The following DRC3 variants were observed in gnomAD, a reference collection of about 807,000 sequenced individuals.
DRC3 encodes leucine rich repeat containing 48.
In DRC3, 45 loss-of-function variants were observed where a neutral mutation model predicts 57.6. The observed-to-expected ratio is 0.78, with a 90% CI of 0.62 to 1.00. The LOEUF (loss-of-function observed/expected upper bound fraction) is 1.00, where lower values mean the gene tolerates loss of function less well. Ranked by LOEUF, DRC3 falls within the 50% of genes least tolerant of loss-of-function variation. The pLI is 0.00. For synonymous variants in DRC3, 257 were observed against 272.3 expected, an observed-to-expected ratio of 0.94 and a Z score of 0.55; for missense variants, 655 against 675.2, an observed-to-expected ratio of 0.97 and a Z score of 0.33.
At chr17:18,001,974 C>G (rs1214019330) in intron 9 of DRC3, among the ~76,000 whole-genome samples, 1 of 117,182 alleles carries the variant, frequency 8.5e-6, no homozygotes, top group African/African-American at 3.5e-5. Context: ...TTGAGACCAG[C>G]CTTGCCAACA....
intron 1 of DRC3, 193 bp downstream of exon 1, chr17:17,973,167 A>C (rs541813529): frequency 6.6e-6 from 1 of 150,882 alleles, no homozygotes; most frequent in South Asian, 2.1e-4. Flanking sequence ...TGGGCTTGTC[A>C]AGCTTTTGAA....
intron 3 of DRC3, among the ~76,000 whole-genome samples, chr17:17,978,275 G>T (rs1207822520): frequency 6.6e-6 from 1 of 152,136 alleles, no homozygotes; most frequent in East Asian, 1.9e-4. Context: ...TGTGGCTCAG[G>T]ACCAGGCGGA....
intron 12 of DRC3, chr17:18,007,520 T>G: frequency 6.5e-7 from 1 of 1,545,814 alleles, no homozygotes; most frequent in Non-Finnish European, 8.7e-7. Flanking sequence ...GTCTGTATAA[T>G]GAGTACTGTG....
chr17:17,994,193 C>A (rs1263257392), intron 6 of DRC3, 106 bp from the exon 7 acceptor site: 3 of 1,451,776 alleles, frequency 2.1e-6, no homozygotes, highest in Non-Finnish European at 2.8e-6. Context: ...CTGTGCAACA[C>A]CCCTGCCCAT....
chr17:18,016,168 C>G lies in DRC3; in HGVS notation c.1431C>G (p.Asn477Lys), dbSNP rs569837531. The part of the protein sequence containing the change: ...NREDELVTRI[N>K]SWCTRLIDRI... ...AAGATGAGCTGGTGACCAGAATCAA[C>G]TCTTGGTGTACACGTTTAATAGACA... The change falls in exon 13 of 14, where the codon AAC becomes AAG. Residue 477 changes from asparagine to lysine, a missense_variant. By Grantham distance (94) the Asn-to-Lys change is moderately conservative. Coordinates refer to ENST00000399187, the MANE Select transcript of DRC3 (RefSeq NM_031294.4). The G allele has an allele frequency of 1.9e-5, 30 of 1,614,000 alleles. No individual in the cohort carries two copies. The African/African-American group carries it at 2.5e-4, about 14-fold the overall frequency.
At chr17:18,006,977 G>T (rs751546911) in intron 11 of DRC3, 47 bp from the exon 12 acceptor site, 4 of 1,608,360 alleles carry the variant, frequency 2.5e-6, no homozygotes, top group South Asian at 2.2e-5. Flanking sequence ...CATCAGGGAC[G>T]CGCCGGGCCT....
At chr17:17,984,963 CAT>C (rs1235187945) in intron 4 of DRC3, among the ~76,000 whole-genome samples, 1 of 152,208 alleles carries the variant, frequency 6.6e-6, no homozygotes. Context: ...TTGATGGAGT[CAT>C]GTGCTACAGG....
chr17:18,003,218 C>A (rs1343512178), intron 9 of DRC3, among the ~76,000 whole-genome samples: 1 of 152,016 alleles, frequency 6.6e-6, no homozygotes, highest in Non-Finnish European at 1.5e-5. Flanking sequence ...GGCACAGTGG[C>A]TCACACCTGT....
intron 8 of DRC3, chr17:17,995,667 G>A (rs533446368): frequency 6.4e-5 from 10 of 155,672 alleles, no homozygotes; most frequent in Admixed American, 5.7e-4. Flanking sequence ...TGTGACCATC[G>A]ATCAATGGGC....
intron 2 of DRC3, among the ~76,000 whole-genome samples, chr17:17,976,460 A>T (rs1024486212): frequency 3.3e-5 from 5 of 152,154 alleles, no homozygotes; most frequent in African/African-American, 7.2e-5. Flanking sequence ...CAGGTGGATC[A>T]CCTGAGGTCA....
At chr17:17,977,117 G>A (rs150664961) in intron 2 of DRC3, among the ~76,000 whole-genome samples, 17 of 152,288 alleles carry the variant, frequency 1.1e-4, no homozygotes, top group Admixed American at 3.3e-4. Context: ...CACACATGAC[G>A]GCCTGGAGGG....
At chr17:18,002,937 CA>C (rs2043795747) in intron 9 of DRC3, among the ~76,000 whole-genome samples, 1 of 152,088 alleles carries the variant, frequency 6.6e-6, no homozygotes, top group African/African-American at 2.4e-5. Flanking sequence ...GAAAAGCATA[CA>C]AATTTTATTG....
chr17:17,978,561 G>A (rs1008621789), intron 3 of DRC3, among the ~76,000 whole-genome samples: 8 of 152,140 alleles, frequency 5.3e-5, no homozygotes, highest in Admixed American at 6.5e-5. Flanking sequence ...TAGGCTGGCC[G>A]GCATCCAGTC....
intron 2 of DRC3, 21 bp from the exon 3 acceptor site, chr17:17,977,561 G>A (rs756455185): frequency 3.7e-6 from 6 of 1,613,684 alleles, no homozygotes; most frequent in Non-Finnish European, 4.2e-6. Flanking sequence ...GGCCGTGAAG[G>A]AAGAATGCGG....
intron 12 of DRC3, chr17:18,007,759 A>G (rs2044034325): frequency 1.7e-6 from 2 of 1,144,374 alleles, no homozygotes; most frequent in African/African-American, 3.2e-5. Context: ...CAGAGATACT[A>G]TGTTGTCAGG....
At chr17:17,995,440 C>A (rs2043420476) in intron 8 of DRC3, among the ~76,000 whole-genome samples, 1 of 152,230 alleles carries the variant, frequency 6.6e-6, no homozygotes, top group Non-Finnish European at 1.5e-5. Context: ...TTGTTGTGCA[C>A]TTGGATCTGG....
chr17:17,997,091 G>T (rs565148829), intron 8 of DRC3, among the ~76,000 whole-genome samples: 1 of 152,244 alleles, frequency 6.6e-6, no homozygotes, highest in South Asian at 2.1e-4. Context: ...TGCTTCCCCA[G>T]CTGGGACCGG....
intron 6 of DRC3, 66 bp downstream of exon 6, chr17:17,992,977 G>A: frequency 6.3e-7 from 1 of 1,577,000 alleles, no homozygotes; most frequent in African/African-American, 1.3e-5. Flanking sequence ...AGGTTTCTTG[G>A]AAAAGGGGCA....
At position 17,997,645 on chromosome 17, in the gene DRC3, A is replaced by C; in HGVS notation, c.999+11A>C. The C allele has an allele frequency of 1.9e-6, 3 of 1,585,250 alleles. No individual in the cohort carries two copies. Among genetic ancestry groups the C allele is most frequent in the Non-Finnish European group, 2.6e-6 (3 of 1,166,960 alleles). The stretch of plus-strand genomic sequence containing the variant: ...GAGAAGCACTTGTCGGTAGGCCCCG[A>C]GCCTCCTGAGGCCCTCCCTGTCTCC... On this transcript the variant is annotated intron_variant, in intron 9 of 13. Coordinates refer to ENST00000399187, the MANE Select transcript of DRC3 (RefSeq NM_031294.4).
Sources: allele counts gnomAD v4.1 joint callset (sites outside exome capture counted in the v4.1 genomes callset), GRCh38; gene constraint gnomAD v4.1.1; transcripts MANE v1.5; gene names NCBI Gene and HGNC (gene_info 2026-07-23, HGNC 2026-07-21).